CCDC91: variants seen among roughly 807,000 people sequenced by gnomAD.
CCDC91 encodes the protein coiled-coil domain containing 91.
CCDC91 carries 48 observed loss-of-function variants against 63.2 expected under a neutral mutation model. The ratio of observed to expected loss-of-function variants is 0.76; its 90% confidence interval spans 0.60 to 0.97. The LOEUF (loss-of-function observed/expected upper bound fraction) is 0.97. Ranked by LOEUF, CCDC91 falls within the 50% of genes least tolerant of loss-of-function variation. The pLI is 0.00. For missense variants in CCDC91, 500 were observed against 494.6 expected (o/e 1.01, Z -0.10); for synonymous variants, 167 against 165.8 (o/e 1.01, Z -0.06).
chr12:28,235,156 G>T (rs1033259347), intron 1 of CCDC91, among the ~76,000 whole-genome samples: 3 of 152,064 alleles, frequency 2.0e-5, no homozygotes, highest in African/African-American at 7.2e-5. Context: ...AGTGGAAGGT[G>T]CCTATTTCTT....
At position 28,440,846 on chromosome 12, in the gene CCDC91, C is replaced by T. The variant is rs375954756; in HGVS notation, c.763-9315C>T. Among the ~76,000 whole-genome samples, 14 of 151,802 alleles carry T rather than the reference C, an allele frequency of 9.2e-5. No individual in the cohort carries two copies. In the East Asian group the frequency reaches 2.5e-3, roughly 27 times the overall value. On this transcript the variant is annotated intron_variant, in intron 8 of 12. Transcript: ENST00000536442. ...GGCCGAGGTGGGCGGATTGCCTGAG[C>T]TCAGGAGTTCAAGACCAGCCTGGGC... is the stretch of plus-strand genomic sequence containing the variant.
intron 6 of CCDC91, among the ~76,000 whole-genome samples, chr12:28,347,015 A>T (rs979194511): frequency 3.9e-5 from 6 of 152,244 alleles, no homozygotes; most frequent in African/African-American, 1.4e-4. Flanking sequence ...AGGAACTGGC[A>T]GTGAAAATCA....
intron 1 of CCDC91, among the ~76,000 whole-genome samples, chr12:28,249,138 G>C (rs555161670): frequency 8.5e-5 from 13 of 152,274 alleles, no homozygotes; most frequent in South Asian, 8.3e-4. Flanking sequence ...GAGGAGAGTT[G>C]GCAGTCTTTG....
At chr12:28,492,892 G>T (rs16932865) in intron 12 of CCDC91, among the ~76,000 whole-genome samples, 2,457 of 151,608 alleles carry the variant, frequency 0.016, 26 homozygotes, top group South Asian at 0.029. Flanking sequence ...ATGTGAACTT[G>T]TTCAACTAAG....
intron 8 of CCDC91, among the ~76,000 whole-genome samples, chr12:28,421,592 T>C (rs1948016499): frequency 6.6e-6 from 1 of 151,834 alleles, no homozygotes; most frequent in South Asian, 2.1e-4. Flanking sequence ...TAGTATTCCA[T>C]GGTGTATATG....
chr12:28,506,717 G>A (rs1340473514), intron 12 of CCDC91, among the ~76,000 whole-genome samples: 1 of 151,836 alleles, frequency 6.6e-6, no homozygotes, highest in Non-Finnish European at 1.5e-5. Context: ...TTTGAGAAAG[G>A]TTAGATAGCT....
intron 3 of CCDC91, among the ~76,000 whole-genome samples, chr12:28,272,109 G>A (rs1947812769): frequency 6.6e-6 from 1 of 151,812 alleles, no homozygotes; most frequent in South Asian, 2.1e-4. Flanking sequence ...GATTCCATTA[G>A]TTGTTGTTCC....
rs115351047 is a variant in CCDC91 at position 28,252,929 on chromosome 12, T to G, written c.-14-4273T>G. Among the ~76,000 whole-genome samples, 883 of 152,272 alleles carry G rather than the reference T, an allele frequency of 5.8e-3. 10 individuals are homozygous for G. Among genetic ancestry groups the G allele is most frequent in the African/African-American group, 0.02 (846 of 41,556 alleles). ...TAACATATTTAATCCTTGTACTGAC[T>G]TTAGGAGTTAGCTATTATAATATTC... On this transcript the variant is annotated intron_variant, in intron 1 of 12. Transcript: ENST00000536442.
intron 1 of CCDC91, among the ~76,000 whole-genome samples, chr12:28,214,452 A>G (rs1014396852): frequency 3.3e-5 from 5 of 152,108 alleles, no homozygotes; most frequent in Admixed American, 3.3e-4. Flanking sequence ...TCACAACCAG[A>G]TGAGGTGATT....
chr12:28,436,957 T>G (rs1169067109), intron 8 of CCDC91, among the ~76,000 whole-genome samples: 1 of 150,918 alleles, frequency 6.6e-6, no homozygotes, highest in Non-Finnish European at 1.5e-5. Context: ...CCAGAAATCT[T>G]TTTTTTTTGA....
chr12:28,211,511 A>C lies in CCDC91; in HGVS notation c.-15+20870A>C, dbSNP rs111330371. On this transcript the variant is annotated intron_variant, in intron 1 of 12. Coordinates refer to ENST00000536442, the MANE Select transcript of CCDC91 (RefSeq NM_018318.5). Reference sequence around the variant, plus strand: ...TCTTTTTTAGAAGCTTCTGCATATTAATAGGCATCCCTAGATGAGATTAAT... The same window carrying C: ...TCTTTTTTAGAAGCTTCTGCATATTCATAGGCATCCCTAGATGAGATTAAT... 1.5e-3 allele frequency among the ~76,000 whole-genome samples: 231 copies of C among 152,294 alleles called. 1 individual carries two copies. The highest frequency in any genetic ancestry group is 5.3e-3 in the African/African-American group (220 of 41,562).
intron 12 of CCDC91, among the ~76,000 whole-genome samples, chr12:28,520,229 C>T (rs1296617769): frequency 3.3e-5 from 5 of 152,120 alleles, no homozygotes; most frequent in Admixed American, 6.6e-5. Context: ...CTCTCCAGCA[C>T]CTGTTGTTTC....
intron 6 of CCDC91, among the ~76,000 whole-genome samples, chr12:28,313,425 G>A (rs1257234855): frequency 6.6e-6 from 1 of 151,968 alleles, no homozygotes; most frequent in Non-Finnish European, 1.5e-5. Context: ...ATTTTCACCT[G>A]ATTTCAGAAT....
intron 6 of CCDC91, 66 bp downstream of exon 6, chr12:28,307,815 A>G (rs1396113213): frequency 3.5e-5 from 29 of 817,338 alleles, no homozygotes; most frequent in Non-Finnish European, 5.7e-5. Flanking sequence ...ATAATTTCAA[A>G]AAGTGCATAA....
At position 28,408,496 on chromosome 12, in the gene CCDC91, G is replaced by T. The variant is rs546299558; in HGVS notation, c.762+17085G>T. 2.5e-3 allele frequency among the ~76,000 whole-genome samples: 380 copies of T among 152,216 alleles called. 1 individual carries two copies. Among genetic ancestry groups the T allele is most frequent in the Non-Finnish European group, 4.7e-3 (320 of 68,010 alleles). On this transcript the variant is annotated intron_variant, in intron 8 of 12. Coordinates refer to ENST00000536442, the MANE Select transcript of CCDC91 (RefSeq NM_018318.5). ...TAATAGCCATTCTGACTGGCGTTGA[G>T]ATGGTATCTCATTGTGGTTTTGATT... is the stretch of plus-strand genomic sequence containing the variant.
In CCDC91 at chr12:28,392,352, A is replaced by G. The variant is rs192033193; in HGVS notation, c.762+941A>G. 5.7e-4 allele frequency among the ~76,000 whole-genome samples: 87 copies of G among 152,232 alleles called. 2 individuals are homozygous for G. The highest frequency in any genetic ancestry group is 5.7e-3 in the Admixed American group (87 of 15,276). Reference sequence around the variant, plus strand: ...TTCAAATAGCAAAAGTTTATATTTTACTCATGCTACATACTCATTGAGGTC... The same window carrying G: ...TTCAAATAGCAAAAGTTTATATTTTGCTCATGCTACATACTCATTGAGGTC... On this transcript the variant is annotated intron_variant, in intron 8 of 12. Coordinates refer to ENST00000536442, the MANE Select transcript of CCDC91 (RefSeq NM_018318.5).
chr12:28,505,840 A>T (rs1356108030), intron 12 of CCDC91, among the ~76,000 whole-genome samples: 3 of 151,986 alleles, frequency 2.0e-5, no homozygotes, highest in African/African-American at 7.2e-5. Flanking sequence ...TTTGCCTTGT[A>T]TTTCTTGAAG....
intron 12 of CCDC91, among the ~76,000 whole-genome samples, chr12:28,511,164 C>T (rs1335313542): frequency 6.6e-6 from 1 of 151,876 alleles, no homozygotes; most frequent in Non-Finnish European, 1.5e-5. Context: ...AACTATGTCA[C>T]TTATCACCAT....
At chr12:28,285,154 A>G (rs751083230) in intron 3 of CCDC91, among the ~76,000 whole-genome samples, 1 of 152,144 alleles carries the variant, frequency 6.6e-6, no homozygotes, top group African/African-American at 2.4e-5. Context: ...TGAAATGGTT[A>G]TCTAAGGTTT....
Sources: allele counts gnomAD v4.1 joint callset (sites outside exome capture counted in the v4.1 genomes callset), GRCh38; gene constraint gnomAD v4.1.1; transcripts MANE v1.5; gene names NCBI Gene and HGNC (gene_info 2026-07-23, HGNC 2026-07-21).